RAB38: variants seen among roughly 807,000 people sequenced by gnomAD.
RAB38 encodes ras-related protein Rab-38.
RAB38 carries 15 observed loss-of-function variants against 18.4 expected under a neutral mutation model. The observed-to-expected ratio is 0.82, with a 90% CI of 0.55 to 1.26. RAB38 has a LOEUF of 1.26. RAB38 is among the 50% of genes most tolerant of loss of function. The pLI is 0.00. For missense variants in RAB38, 294 were observed against 267.4 expected (o/e 1.10, Z -0.69); for synonymous variants, 101 against 104.4 (o/e 0.97, Z 0.20).
chr11:88,140,964 A>G (rs1418688069), intron 2 of RAB38, among the ~76,000 whole-genome samples: 7 of 152,198 alleles, frequency 4.6e-5, no homozygotes, highest in Non-Finnish European at 1.0e-4. Flanking sequence ...ATATCCAAGT[A>G]GAGATCCAGA....
intron 2 of RAB38, among the ~76,000 whole-genome samples, chr11:88,127,760 T>A (rs544243779): frequency 6.6e-6 from 1 of 152,322 alleles, no homozygotes; most frequent in South Asian, 2.1e-4. Context: ...GATAGACCAA[T>A]GCTCCCTAAT....
the RAB38 span, among the ~76,000 whole-genome samples, chr11:87,897,871 G>C: frequency 6.6e-6 from 1 of 151,592 alleles, no homozygotes; most frequent in Non-Finnish European, 1.5e-5. Flanking sequence ...TTGAGCTAAA[G>C]ACTAACCACA....
the RAB38 span, among the ~76,000 whole-genome samples, chr11:87,836,869 A>C: frequency 6.6e-6 from 1 of 152,080 alleles, no homozygotes; most frequent in African/African-American, 2.4e-5. Flanking sequence ...TTAAATTCCC[A>C]CTGTCTGGAA....
chr11:87,891,600 A>T, the RAB38 span, among the ~76,000 whole-genome samples: 3 of 151,820 alleles, frequency 2.0e-5, no homozygotes, highest in Non-Finnish European at 4.4e-5. Context: ...ATATATTTAA[A>T]CTATGAGTTC....
chr11:87,863,942 A>C, the RAB38 span, among the ~76,000 whole-genome samples: 1 of 151,760 alleles, frequency 6.6e-6, no homozygotes, highest in South Asian at 2.1e-4. Context: ...CTTCCTATTC[A>C]GTGCAAAGCG....
the RAB38 span, among the ~76,000 whole-genome samples, chr11:87,877,535 T>C: frequency 6.6e-6 from 1 of 151,498 alleles, no homozygotes; most frequent in East Asian, 2.0e-4. Context: ...TTCCAACATA[T>C]CCAGAATCCA....
At chr11:88,112,157 A>C (rs987078912), downstream of RAB38, among the ~76,000 whole-genome samples, 3 of 152,212 alleles carry the variant, frequency 2.0e-5, no homozygotes, top group African/African-American at 7.2e-5. Context: ...CAATTCATGG[A>C]TTGTTCTCTA....
the RAB38 span, among the ~76,000 whole-genome samples, chr11:87,938,684 A>C: frequency 3.4e-5 from 5 of 145,424 alleles, no homozygotes; most frequent in East Asian, 2.0e-4. Flanking sequence ...AAAAAAAAAA[A>C]CCACAAAATT....
the RAB38 span, among the ~76,000 whole-genome samples, chr11:88,080,552 T>C: frequency 6.6e-6 from 1 of 151,466 alleles, no homozygotes. Context: ...GATTCTAACA[T>C]TTAAATAGAA....
the RAB38 span, among the ~76,000 whole-genome samples, chr11:87,977,634 T>C: frequency 3.4e-5 from 4 of 118,702 alleles, no homozygotes; most frequent in Non-Finnish European, 4.9e-5. Context: ...TTGTATATTA[T>C]ATAATTATAT....
the RAB38 span, among the ~76,000 whole-genome samples, chr11:87,852,228 C>T: frequency 6.6e-6 from 1 of 151,962 alleles, no homozygotes; most frequent in Non-Finnish European, 1.5e-5. Flanking sequence ...GAAAATTATT[C>T]TGAGGTTGTA....
the RAB38 span, among the ~76,000 whole-genome samples, chr11:88,082,481 TA>T: frequency 6.6e-6 from 1 of 151,826 alleles, no homozygotes; most frequent in Non-Finnish European, 1.5e-5. Context: ...AGATATCTAA[TA>T]GGAACCTCAA....
chr11:88,039,297 T>C, the RAB38 span, among the ~76,000 whole-genome samples: 1 of 152,138 alleles, frequency 6.6e-6, no homozygotes, highest in Admixed American at 6.5e-5. Context: ...TGTATGACTA[T>C]ATTGAGTATT....
the RAB38 span, among the ~76,000 whole-genome samples, chr11:87,925,274 C>T: frequency 3.9e-5 from 6 of 152,028 alleles, no homozygotes; most frequent in Admixed American, 6.6e-5. Flanking sequence ...TTAATTCAAA[C>T]GCCAATTCTT....
chr11:88,028,296 A>G, the RAB38 span, among the ~76,000 whole-genome samples: 1 of 152,178 alleles, frequency 6.6e-6, no homozygotes, highest in African/African-American at 2.4e-5. Flanking sequence ...GAACAGAAAA[A>G]CTGGAAACTC....
the RAB38 span, among the ~76,000 whole-genome samples, chr11:87,842,628 C>T: frequency 1.3e-5 from 2 of 152,182 alleles, no homozygotes; most frequent in South Asian, 2.1e-4. Context: ...CTTTAATCAC[C>T]GCTTAACAAA....
At chr11:87,830,171 A>T in the RAB38 span, among the ~76,000 whole-genome samples, 1 of 152,112 alleles carries the variant, frequency 6.6e-6, no homozygotes, top group Non-Finnish European at 1.5e-5. Flanking sequence ...AAGGTGCAGG[A>T]TGGTGGTAGA....
At chr11:87,818,806 A>G in the RAB38 span, among the ~76,000 whole-genome samples, 7 of 152,210 alleles carry the variant, frequency 4.6e-5, no homozygotes, top group Non-Finnish European at 8.8e-5. Flanking sequence ...ATAAAGGTAT[A>G]GCATATATGG....
intron 1 of RAB38, among the ~76,000 whole-genome samples, chr11:88,152,579 G>A (rs968675798): frequency 5.3e-5 from 8 of 152,232 alleles, no homozygotes; most frequent in African/African-American, 1.9e-4. Flanking sequence ...TGGCATTCCA[G>A]CAAGAGGTCA....
Sources: allele counts gnomAD v4.1 joint callset (sites outside exome capture counted in the v4.1 genomes callset), GRCh38; gene constraint gnomAD v4.1.1; transcripts MANE v1.5; gene names NCBI Gene and HGNC (gene_info 2026-07-23, HGNC 2026-07-21).